The following OSMR variants were observed in gnomAD, a reference collection of about 807,000 sequenced individuals.
The protein encoded by OSMR is oncostatin M receptor.
A neutral mutation model predicts 99.9 loss-of-function variants in OSMR; 81 were observed. That is an observed-to-expected ratio of 0.81 (90% CI 0.68 to 0.97). The LOEUF is 0.97. Ranked by LOEUF, OSMR falls within the 50% of genes least tolerant of loss-of-function variation. The pLI is 0.00. For synonymous variants in OSMR, 406 were observed against 410.4 expected (o/e 0.99, Z 0.13); for missense variants, 1,099 against 1,153.4 (o/e 0.95, Z 0.68).
intron 15 of OSMR, among the ~76,000 whole-genome samples, 182 bp downstream of exon 15, chr5:38,925,553 C>T (rs192924853): frequency 6.6e-6 from 1 of 152,184 alleles, no homozygotes; most frequent in African/African-American, 2.4e-5. Flanking sequence ...CACAGACTCT[C>T]ACTATATAAA....
At chr5:38,909,906 T>C (rs1745465764) in intron 9 of OSMR, among the ~76,000 whole-genome samples, 1 of 152,202 alleles carries the variant, frequency 6.6e-6, no homozygotes. Flanking sequence ...ACAGGTTACA[T>C]GCCCCAATTA....
rs573366476 is a variant in OSMR at position 38,882,838 on chromosome 5, G to A, written c.419-989G>A. ...TCCTATAAAAGGACTTCTTATCCTC[G>A]CTTCACAGATAAGGAAACTGAGGCA... On this transcript the variant is annotated intron_variant, in intron 4 of 17. Coordinates refer to ENST00000274276, the MANE Select transcript of OSMR (RefSeq NM_003999.3). Among the ~76,000 whole-genome samples the A allele has an allele frequency of 2.6e-5, 4 of 152,100 alleles. No individual in the cohort carries two copies. In the South Asian group the frequency reaches 6.2e-4, roughly 24 times the overall value.
At position 38,935,334 on chromosome 5, in the gene OSMR, C is replaced by T. The variant is rs1308133893; in HGVS notation, c.*1890C>T. On this transcript the variant is annotated 3_prime_UTR_variant, in exon 18 of 18. Transcript: ENST00000274276. ...TCAACAACTGGCCTAAATAAACCTA[C>T]ACAAACCAGTACTTGCCTTTTGCTG... The T allele has an allele frequency of 6.6e-6, 1 of 152,166 alleles. No homozygotes were observed. The allele number at this position is 152,166 out of a possible 1,614,324, so 9.4% of individuals were successfully genotyped here.
At chr5:38,855,368 G>A (rs563246450) in intron 1 of OSMR, among the ~76,000 whole-genome samples, 3 of 152,150 alleles carry the variant, frequency 2.0e-5, no homozygotes, top group South Asian at 4.1e-4. Flanking sequence ...TTCAAACTGT[G>A]TATCCGGCTA....
chr5:38,869,596 A>G (rs1742217226), intron 2 of OSMR, among the ~76,000 whole-genome samples: 1 of 152,222 alleles, frequency 6.6e-6, no homozygotes, highest in South Asian at 2.1e-4. Context: ...AAACAATAGA[A>G]ACTCTTTCAA....
intron 1 of OSMR, among the ~76,000 whole-genome samples, chr5:38,865,900 C>T (rs558005287): frequency 2.6e-5 from 4 of 152,336 alleles, no homozygotes; most frequent in African/African-American, 9.6e-5. Context: ...CTGTGATGGG[C>T]TGTGGCAGGC....
At chr5:38,891,436 G>T (rs1744151136) in intron 7 of OSMR, among the ~76,000 whole-genome samples, 1 of 152,204 alleles carries the variant, frequency 6.6e-6, no homozygotes, top group African/African-American at 2.4e-5. Context: ...TAAGTGGATT[G>T]TCTGAGACCT....
At chr5:38,885,252 A>G in intron 5 of OSMR, 97 bp from the exon 6 acceptor site, 1 of 1,583,678 alleles carries the variant, frequency 6.3e-7, no homozygotes, top group Non-Finnish European at 8.6e-7. Context: ...CCTTGTTCAC[A>G]GTAACTCTGT....
intron 1 of OSMR, among the ~76,000 whole-genome samples, chr5:38,847,846 G>A (rs1185175330): frequency 6.6e-6 from 1 of 152,120 alleles, no homozygotes; most frequent in Non-Finnish European, 1.5e-5. Context: ...TTGTATCAAA[G>A]GTGGCTTTGA....
At chr5:38,856,308 T>C (rs1357567433) in intron 1 of OSMR, among the ~76,000 whole-genome samples, 1 of 152,246 alleles carries the variant, frequency 6.6e-6, no homozygotes, top group East Asian at 1.9e-4. Flanking sequence ...CAGGTGTTGA[T>C]TCCTGTTCTG....
intron 7 of OSMR, among the ~76,000 whole-genome samples, chr5:38,889,051 A>AT (rs1219205616): frequency 1.3e-5 from 2 of 151,606 alleles, no homozygotes; most frequent in African/African-American, 4.8e-5. Flanking sequence ...ATGATAATCT[A>AT]TTTTTTTCCC....
In OSMR at chr5:38,923,134, G is replaced by C; in HGVS notation, c.1766-16G>C. 1 of 1,612,406 alleles carries C rather than the reference G, an allele frequency of 6.2e-7. No homozygotes were observed. The highest frequency in any genetic ancestry group is 8.5e-7 in the Non-Finnish European group (1 of 1,178,626). Reference sequence around the variant, plus strand: ...ATCATTCTGTTATTAAAAATCTGTTGACTTTTTTTCCCTAGATGCTTTTAG... The same window carrying C: ...ATCATTCTGTTATTAAAAATCTGTTCACTTTTTTTCCCTAGATGCTTTTAG... On this transcript the variant is annotated splice_polypyrimidine_tract_variant and intron_variant, in intron 12 of 17. Coordinates refer to ENST00000274276, the MANE Select transcript of OSMR (RefSeq NM_003999.3).
chr5:38,931,856 A>G, intron 15 of OSMR, 27 bp from the exon 16 acceptor site: 1 of 1,603,190 alleles, frequency 6.2e-7, no homozygotes. Context: ...ACTTATTAAA[A>G]ATGTCCCTTT....
downstream of OSMR, chr5:38,939,190 C>T (rs1046542840): frequency 2.6e-5 from 6 of 232,744 alleles, no homozygotes; most frequent in African/African-American, 1.3e-4. Context: ...ATATAAATAG[C>T]AGTAGGAAAA....
At chr5:38,857,336 AC>A (rs1740931330) in intron 1 of OSMR, among the ~76,000 whole-genome samples, 2 of 152,192 alleles carry the variant, frequency 1.3e-5, no homozygotes, top group Admixed American at 1.3e-4. Flanking sequence ...AGGATGATAT[AC>A]TAAGCCCACA....
chr5:38,905,382 G>A (rs887445516), intron 9 of OSMR, among the ~76,000 whole-genome samples: 4 of 152,022 alleles, frequency 2.6e-5, no homozygotes, highest in South Asian at 2.1e-4. Flanking sequence ...CCAGCTACTC[G>A]GGAGGCTGAG....
At chr5:38,923,485 A>G (rs1005771297) in intron 13 of OSMR, among the ~76,000 whole-genome samples, 1 of 152,160 alleles carries the variant, frequency 6.6e-6, no homozygotes, top group Non-Finnish European at 1.5e-5. Flanking sequence ...CTTATACCCT[A>G]TGTGAATAAT....
In OSMR at chr5:38,881,741, G is replaced by C; in HGVS notation, c.395G>C (p.Trp132Ser). Residue 132 changes from tryptophan to serine, a missense_variant, in exon 4 of 18, where the codon TGG becomes TCG. Transcript: ENST00000274276. ...KFPEPNFWSN[W>S]SSWEEVSVQD... Reference sequence around the variant, plus strand: ...CCTGAGCCAAATTTCTGGAGCAACTGGAGTTCCTGGGAGGAAGTCAGTGGT... The same window carrying C: ...CCTGAGCCAAATTTCTGGAGCAACTCGAGTTCCTGGGAGGAAGTCAGTGGT... The C allele has an allele frequency of 6.2e-7, 1 of 1,614,160 alleles. No individual in the cohort carries two copies. The highest frequency in any genetic ancestry group is 8.5e-7 in the Non-Finnish European group (1 of 1,179,986).
chr5:38,861,503 C>A lies in OSMR; in HGVS notation c.-13-7529C>A, dbSNP rs184171973. Among the ~76,000 whole-genome samples, 607 of 152,304 alleles carry A rather than the reference C, an allele frequency of 4.0e-3. 6 individuals are homozygous for A. Among genetic ancestry groups the A allele is most frequent in the African/African-American group, 0.014 (567 of 41,566 alleles). The stretch of plus-strand genomic sequence containing the variant: ...CTTAGTACAGAACAAAATGAAAAGT[C>A]TCCCATGTCTACCTCTTTCTACACA... On this transcript the variant is annotated intron_variant, in intron 1 of 17. Transcript: ENST00000274276.
Sources: gnomAD v4.1 joint callset for allele counts (sites outside exome capture counted in the v4.1 genomes callset) on GRCh38, gnomAD v4.1.1 for gene constraint, MANE v1.5 for transcripts, NCBI Gene and HGNC (gene_info 2026-07-23, HGNC 2026-07-21) for gene names.